The following ROBO2 variants were observed in gnomAD, a reference collection of about 807,000 sequenced individuals.
ROBO2 encodes roundabout homolog 2.
ROBO2 carries 53 observed loss-of-function variants against 160.8 expected under a neutral mutation model. The observed-to-expected ratio is 0.33, with a 90% CI of 0.26 to 0.41. ROBO2 has a LOEUF of 0.41. ROBO2 is among the 10% of genes least tolerant of loss of function. The pLI is 1.00. For synonymous variants in ROBO2, 664 were observed against 611.7 expected, an observed-to-expected ratio of 1.09 and a Z score of -1.26; for missense variants, 1,577 against 1,722.4, an observed-to-expected ratio of 0.92 and a Z score of 1.49.
chr3:77,049,207 G>C (rs910122662), intron 1 of ROBO2, among the ~76,000 whole-genome samples: 1 of 152,084 alleles, frequency 6.6e-6, no homozygotes, highest in African/African-American at 2.4e-5. Context: ...GTGTCCACTT[G>C]TGGTCTCAGA....
At chr3:76,333,895 A>G (rs1576491156) in intron 2 of ROBO2, among the ~76,000 whole-genome samples, 1 of 152,192 alleles carries the variant, frequency 6.6e-6, no homozygotes, top group East Asian at 1.9e-4. Flanking sequence ...CGCAAGGACA[A>G]AAAACCAAGC....
At chr3:76,094,059 A>G (rs2069338088) in intron 2 of ROBO2, among the ~76,000 whole-genome samples, 1 of 152,176 alleles carries the variant, frequency 6.6e-6, no homozygotes, top group Non-Finnish European at 1.5e-5. Flanking sequence ...TGACAACCAC[A>G]GGTACATGGA....
At chr3:77,179,479 G>T (rs1258944698) in intron 2 of ROBO2, among the ~76,000 whole-genome samples, 1 of 151,420 alleles carries the variant, frequency 6.6e-6, no homozygotes, top group African/African-American at 2.4e-5. Flanking sequence ...AAATACTGTG[G>T]TATATGAGAA....
chr3:77,301,197 T>C (rs1333935567), intron 2 of ROBO2, among the ~76,000 whole-genome samples: 2 of 152,084 alleles, frequency 1.3e-5, no homozygotes, highest in African/African-American at 4.8e-5. Flanking sequence ...ATTGAAAATA[T>C]ATATTACTGA....
At chr3:76,216,096 A>T (rs1703505151) in intron 2 of ROBO2, among the ~76,000 whole-genome samples, 1 of 152,240 alleles carries the variant, frequency 6.6e-6, no homozygotes, top group African/African-American at 2.4e-5. Flanking sequence ...AATACTTTAC[A>T]GACAAGCAAA....
chr3:76,583,048 G>C (rs1396981534), intron 2 of ROBO2, among the ~76,000 whole-genome samples: 5 of 149,856 alleles, frequency 3.3e-5, no homozygotes, highest in Admixed American at 6.7e-5. Flanking sequence ...AACAAACAAA[G>C]AAAAACACCT....
intron 2 of ROBO2, among the ~76,000 whole-genome samples, chr3:76,520,116 T>C (rs956924883): frequency 2.0e-5 from 3 of 152,156 alleles, no homozygotes; most frequent in Admixed American, 2.0e-4. Flanking sequence ...CACGTTCCAA[T>C]TAACCCTCAA....
chr3:77,006,843 A>T (rs7428528), intron 2 of ROBO2, among the ~76,000 whole-genome samples: 51,583 of 151,964 alleles, frequency 0.34, 9,415 homozygotes, highest in East Asian at 0.65. Context: ...AAAAGTTAAA[A>T]ACTGCTCAAT....
intron 16 of ROBO2, among the ~76,000 whole-genome samples, chr3:77,580,467 C>G (rs575027386): frequency 6.6e-6 from 1 of 152,120 alleles, no homozygotes; most frequent in Non-Finnish European, 1.5e-5. Flanking sequence ...TGTTTCAAAT[C>G]TGTATGCTTC....
At chr3:76,826,021 C>T in intron 2 of ROBO2, among the ~76,000 whole-genome samples, 1 of 146,464 alleles carries the variant, frequency 6.8e-6, no homozygotes, top group Non-Finnish European at 1.5e-5. Flanking sequence ...CAAAAGCATT[C>T]TTTTAGGCAC....
intron 2 of ROBO2, among the ~76,000 whole-genome samples, chr3:76,511,306 A>C (rs889872231): frequency 3.3e-5 from 5 of 152,194 alleles, no homozygotes; most frequent in Non-Finnish European, 5.9e-5. Context: ...TTGTTATGCT[A>C]ATAAAAAGCA....
At chr3:76,786,522 T>G (rs267137) in intron 2 of ROBO2, among the ~76,000 whole-genome samples, 127,817 of 151,070 alleles carry the variant, frequency 0.85, 54,193 homozygotes, top group African/African-American at 0.87. Flanking sequence ...ACCAGATCTT[T>G]TGAGAACTCT....
chr3:76,914,780 G>T (rs956329838), intron 2 of ROBO2, among the ~76,000 whole-genome samples: 6 of 152,048 alleles, frequency 3.9e-5, no homozygotes, highest in South Asian at 2.1e-4. Context: ...CTTCGATTTG[G>T]TTATAAAACA....
At chr3:76,650,431 A>G (rs375224907) in intron 2 of ROBO2, among the ~76,000 whole-genome samples, 4 of 151,022 alleles carry the variant, frequency 2.6e-5, no homozygotes, top group African/African-American at 9.7e-5. Flanking sequence ...GTTTTACCAA[A>G]TAAGTTTCTT....
chr3:76,269,067 TTAGA>T (rs1183236692), intron 2 of ROBO2, among the ~76,000 whole-genome samples: 8 of 152,162 alleles, frequency 5.3e-5, no homozygotes, highest in South Asian at 4.1e-4. Context: ...AAAAATATAG[TTAGA>T]TAGAATTAAT....
At chr3:76,399,257 C>G (rs1249399066) in intron 2 of ROBO2, among the ~76,000 whole-genome samples, 2 of 150,280 alleles carry the variant, frequency 1.3e-5, no homozygotes. Context: ...ACAGAACTAA[C>G]GTGACAACTG....
At chr3:77,635,255 C>T (rs1356695340) in intron 24 of ROBO2, among the ~76,000 whole-genome samples, 2 of 140,772 alleles carry the variant, frequency 1.4e-5, no homozygotes, top group African/African-American at 5.4e-5. Flanking sequence ...AAATACATTC[C>T]ATGCAATTTT....
At chr3:76,479,885 G>C (rs894321850) in intron 2 of ROBO2, among the ~76,000 whole-genome samples, 1 of 152,116 alleles carries the variant, frequency 6.6e-6, no homozygotes, top group Non-Finnish European at 1.5e-5. Context: ...GCAACCATAC[G>C]GGCTCTGCTG....
chr3:76,909,733 T>C (rs1308106904), intron 2 of ROBO2, among the ~76,000 whole-genome samples: 1 of 152,234 alleles, frequency 6.6e-6, no homozygotes, highest in Non-Finnish European at 1.5e-5. Flanking sequence ...CTCATAATTC[T>C]AGATTGTTAA....
Sources: allele counts gnomAD v4.1 joint callset (sites outside exome capture counted in the v4.1 genomes callset), GRCh38; gene constraint gnomAD v4.1.1; transcripts MANE v1.5; gene names NCBI Gene and HGNC (gene_info 2026-07-23, HGNC 2026-07-21).